The following ADCY5 variants were observed in gnomAD, a reference collection of about 807,000 sequenced individuals.
ADCY5 encodes the protein adenylate cyclase type 5.
ADCY5 carries 30 observed loss-of-function variants against 119.7 expected under a neutral mutation model. That is an observed-to-expected ratio of 0.25 (90% CI 0.19 to 0.34). ADCY5 has a LOEUF of 0.34. ADCY5 is among the 10% of genes least tolerant of loss of function. ADCY5 has a pLI of 1.00. For synonymous variants in ADCY5, 753 were observed against 762.2 expected (o/e 0.99, Z 0.20); for missense variants, 1,324 against 1,775.2 (o/e 0.75, Z 4.57).
intron 1 of ADCY5, among the ~76,000 whole-genome samples, chr3:123,435,984 G>A (rs1486426544): frequency 2.7e-5 from 4 of 150,320 alleles, no homozygotes; most frequent in Admixed American, 6.6e-5. Context: ...TCTGCCTCCC[G>A]GGTTCAAGCG....
chr3:123,384,068 G>A (rs371274566), intron 1 of ADCY5, among the ~76,000 whole-genome samples: 3 of 152,208 alleles, frequency 2.0e-5, no homozygotes, highest in South Asian at 4.2e-4. Flanking sequence ...CCATGCTCCC[G>A]GGACAGTAAT....
Position 123,407,426 on chromosome 3 carries a change from AT to A in ADCY5, c.1134+39985del, listed in dbSNP as rs1257974950. On this transcript the variant is annotated intron_variant, in intron 1 of 20. Coordinates refer to ENST00000462833, the MANE Select transcript of ADCY5 (RefSeq NM_183357.3). ...TCCATAAAACACGAATAAAGTACTG[AT>A]TCATACTACAATGTGGATGAACCTG... Among the ~76,000 whole-genome samples the A allele has an allele frequency of 2.0e-5, 3 of 152,260 alleles. No homozygotes were observed. In the East Asian group the frequency reaches 5.8e-4, roughly 29 times the overall value.
chr3:123,376,209 T>G (rs756295959), intron 1 of ADCY5, among the ~76,000 whole-genome samples: 5 of 150,998 alleles, frequency 3.3e-5, no homozygotes, highest in Admixed American at 2.0e-4. Flanking sequence ...ATGGCCACAG[T>G]TAAGCTAAGG....
chr3:123,286,987 G>A lies in ADCY5; in HGVS notation c.3533-178C>T. ...GCTACCCTGCTCCTGTCAAATGCCT[G>A]TGAATGCAAGACACAAGGAGCCTGC... On this transcript the variant is annotated intron_variant, in intron 19 of 20. Coordinates refer to ENST00000462833, the MANE Select transcript of ADCY5 (RefSeq NM_183357.3). This position sits in a 1 kb window ranked among gnomAD's most constrained non-coding sequence, Gnocchi z 4.2. 1.2e-6 allele frequency: 1 copy of A among 803,762 alleles called. No homozygotes were observed. Among genetic ancestry groups the A allele is most frequent in the South Asian group, 2.2e-5 (1 of 45,174 alleles). 49.8% of individuals were successfully genotyped at this position (803,762 alleles called of 1,614,324 possible).
rs773004110 is a variant in ADCY5, at chr3:123,291,250, A to G, written c.3190T>C (p.Tyr1064His). ...ACCGCCACACACTCACAGGACTGAT[A>G]GTAGAGCTCATCATTGCGCCGCTCG... The part of the protein sequence containing the change: ...ARERRNDELY[Y>H]QSCECVAVMF... The change falls in exon 18 of 21, where the codon TAT becomes CAT. Residue 1064 changes from tyrosine to histidine, a missense_variant. Around this residue, in one of 6 missense-constraint regions of ADCY5, gnomAD observed 178 missense variants for 329.6 expected, o/e 0.54. Transcript: ENST00000462833. 6.2e-7 allele frequency: 1 copy of G among 1,614,060 alleles called. No individual in the cohort carries two copies.
At chr3:123,356,537 C>G (rs767493837) in intron 1 of ADCY5, among the ~76,000 whole-genome samples, 8 of 152,086 alleles carry the variant, frequency 5.3e-5, no homozygotes, top group Admixed American at 1.3e-4. Context: ...ATGATAAAAA[C>G]AAACCTCACA....
intron 1 of ADCY5, among the ~76,000 whole-genome samples, chr3:123,442,451 G>A (rs1444411063): frequency 6.6e-6 from 1 of 152,222 alleles, no homozygotes; most frequent in Admixed American, 6.5e-5. Flanking sequence ...TCGGACAGAG[G>A]GACTCATGGC....
At chr3:123,395,973 AAGGAAGG>A (rs1944532619) in intron 1 of ADCY5, among the ~76,000 whole-genome samples, 4 of 124,972 alleles carry the variant, frequency 3.2e-5, no homozygotes, top group African/African-American at 1.2e-4. Context: ...GAAAGGAAGA[AAGGAAGG>A]AAAGAAAGAA....
intron 1 of ADCY5, among the ~76,000 whole-genome samples, chr3:123,357,705 C>A (rs573974180): frequency 2.0e-5 from 3 of 152,108 alleles, no homozygotes; most frequent in Non-Finnish European, 2.9e-5. Context: ...TTAATAGCTG[C>A]CTTACACACA....
chr3:123,328,665 A>G lies in ADCY5; in HGVS notation c.1784T>C (p.Met595Thr). ...TCACCCTGCCTTGCCGCCAGCCTCC[A>G]TGTGGTTGGCTAGCGTGACATCGTT... The part of the protein sequence containing the change: ...WSNDVTLANH[M>T]EAGGKAGRIH... Residue 595 changes from methionine (M) to threonine (T), a missense_variant, in exon 6 of 21, where the codon ATG becomes ACG. By Grantham distance (81) the Met-to-Thr change is moderately conservative. This residue lies in a region of ADCY5 where 424 missense variants were observed against 546.8 expected (regional missense o/e 0.78). Coordinates refer to ENST00000462833, the MANE Select transcript of ADCY5 (RefSeq NM_183357.3). The G allele has an allele frequency of 6.2e-7, 1 of 1,614,036 alleles. No homozygotes were observed.
chr3:123,407,573 G>A (rs1944932101), intron 1 of ADCY5, among the ~76,000 whole-genome samples: 1 of 132,550 alleles, frequency 7.5e-6, no homozygotes, highest in Non-Finnish European at 1.6e-5. Flanking sequence ...GCAACATAGT[G>A]AGACCCTATC....
In ADCY5 at chr3:123,420,684, C is replaced by T. The variant is rs114236279; in HGVS notation, c.1134+26728G>A. The stretch of plus-strand genomic sequence containing the variant: ...GGGGGTAACAAGCAGCTCAGGGCAG[C>T]GGTGAGGGGCAGTGGCCACACCATA... On this transcript the variant is annotated intron_variant, in intron 1 of 20. Coordinates refer to ENST00000462833, the MANE Select transcript of ADCY5 (RefSeq NM_183357.3). Among the ~76,000 whole-genome samples the T allele has an allele frequency of 1.7e-3, 261 of 152,294 alleles. 2 individuals carry two copies. The highest frequency in any genetic ancestry group is 5.9e-3 in the African/African-American group (247 of 41,558).
intron 1 of ADCY5, among the ~76,000 whole-genome samples, chr3:123,444,713 A>C (rs1342659458): frequency 6.6e-6 from 1 of 152,230 alleles, no homozygotes; most frequent in African/African-American, 2.4e-5. Flanking sequence ...GACCTGAGTA[A>C]AGGGGGAGAG....
At chr3:123,385,085 C>T (rs1177995502) in intron 1 of ADCY5, among the ~76,000 whole-genome samples, 1 of 152,138 alleles carries the variant, frequency 6.6e-6, no homozygotes, top group Non-Finnish European at 1.5e-5. Flanking sequence ...CCTCTCCTTA[C>T]AGCCGGCACC....
chr3:123,291,847 G>C (rs942812906), intron 17 of ADCY5, among the ~76,000 whole-genome samples: 1 of 152,160 alleles, frequency 6.6e-6, no homozygotes, highest in Admixed American at 6.5e-5. Context: ...CTTAATTGAC[G>C]GACCTGTGGG....
In ADCY5 at chr3:123,381,492, C is replaced by A. The variant is rs1287603633; in HGVS notation, c.1135-28911G>T. On this transcript the variant is annotated intron_variant, in intron 1 of 20. Coordinates refer to ENST00000462833, the MANE Select transcript of ADCY5 (RefSeq NM_183357.3). ...ATTGACAGTGAGTATCTCCAAATCC[C>A]AGCCCTGCTCATTGGTCTGGGAGAA... is the stretch of plus-strand genomic sequence containing the variant. Among the ~76,000 whole-genome samples the A allele has an allele frequency of 2.0e-5, 3 of 152,244 alleles. No individual in the cohort carries two copies. The East Asian group carries it at 5.8e-4, about 29-fold the overall frequency.
chr3:123,308,666 A>T (rs951565182), intron 12 of ADCY5, among the ~76,000 whole-genome samples: 1 of 152,020 alleles, frequency 6.6e-6, no homozygotes, highest in Admixed American at 6.5e-5. Context: ...TGTCTCTACT[A>T]AAAATACAAA....
At position 123,426,997 on chromosome 3, in the gene ADCY5, T is replaced by G. The variant is rs535902670; in HGVS notation, c.1134+20415A>C. 2.0e-5 allele frequency among the ~76,000 whole-genome samples: 3 copies of G among 152,328 alleles called. No homozygotes were observed. In the East Asian group the frequency reaches 5.8e-4, roughly 29 times the overall value. ...GCCTTTGGGATCCATCCAAGTCCCC[T>G]GGGGAAGAGGTGATATCTGGTTCCC... On this transcript the variant is annotated intron_variant, in intron 1 of 20. Coordinates refer to ENST00000462833, the MANE Select transcript of ADCY5 (RefSeq NM_183357.3).
intron 12 of ADCY5, among the ~76,000 whole-genome samples, chr3:123,312,272 A>C (rs1207231211): frequency 6.6e-6 from 1 of 152,248 alleles, no homozygotes; most frequent in Admixed American, 6.5e-5. Flanking sequence ...AGAAACAAAT[A>C]AATAATGACT....
Sources: gnomAD v4.1 joint callset for allele counts (sites outside exome capture counted in the v4.1 genomes callset) on GRCh38, gnomAD v4.1.1 for gene constraint, gnomAD v4.1.1 regional missense constraint, Gnocchi (gnomAD v3.1) non-coding constraint, MANE v1.5 for transcripts, NCBI Gene and HGNC (gene_info 2026-07-23, HGNC 2026-07-21) for gene names.